CR1L: variants seen among roughly 807,000 people sequenced by gnomAD.
The protein encoded by CR1L is complement component receptor 1-like protein.
Under a neutral mutation model 62.3 loss-of-function variants are expected in CR1L, and 59 were observed. The ratio of observed to expected loss-of-function variants is 0.95; its 90% confidence interval spans 0.77 to 1.18. The LOEUF (loss-of-function observed/expected upper bound fraction) is 1.18, where lower values mean the gene tolerates loss of function less well. Among genes scored for constraint, CR1L ranks in the 50% most tolerant of loss-of-function variants. The probability of loss-of-function intolerance (pLI) is 0.00; values close to 1 mark genes in which losing one functional copy is unlikely to be tolerated. For missense variants in CR1L, 700 were observed against 702.8 expected (o/e 1.00, Z 0.04); for synonymous variants, 279 against 248.7 (o/e 1.12, Z -1.15).
At chr1:207,671,737 C>T (rs1663617954) in intron 1 of CR1L, among the ~76,000 whole-genome samples, 1 of 150,576 alleles carries the variant, frequency 6.6e-6, no homozygotes, top group Non-Finnish European at 1.5e-5. Context: ...GCCTGGCCAA[C>T]ATGGTGAATA....
At chr1:207,681,278 C>T (rs1300925050) in intron 3 of CR1L, among the ~76,000 whole-genome samples, 3 of 152,134 alleles carry the variant, frequency 2.0e-5, no homozygotes, top group East Asian at 3.9e-4. Flanking sequence ...TTTCTGGAAA[C>T]GAAATGATCA....
At chr1:207,695,378 C>T (rs1024126281) in intron 5 of CR1L, among the ~76,000 whole-genome samples, 1 of 152,192 alleles carries the variant, frequency 6.6e-6, no homozygotes, top group Non-Finnish European at 1.5e-5. Flanking sequence ...AATCCACCCA[C>T]CTGGGCCTCC....
chr1:207,679,153 ATTT>A (rs34703217), intron 3 of CR1L, among the ~76,000 whole-genome samples: 46 of 90,286 alleles, frequency 5.1e-4, no homozygotes, highest in Middle Eastern at 7.8e-3. Context: ...GCCCACCACC[ATTT>A]TTTTTTTTTT....
At chr1:207,715,445 T>C in intron 10 of CR1L, 1 of 1,262,358 alleles carries the variant, frequency 7.9e-7, no homozygotes, top group Non-Finnish European at 1.1e-6. Context: ...TTATTTTTGT[T>C]TTCCAGTGTT....
chr1:207,680,281 A>G (rs1199790679), intron 3 of CR1L, among the ~76,000 whole-genome samples: 2 of 152,244 alleles, frequency 1.3e-5, no homozygotes, highest in Admixed American at 1.3e-4. Flanking sequence ...GCTAAAACAC[A>G]AAGTCTATTT....
At chr1:207,703,050 T>C (rs777888714) in intron 9 of CR1L, among the ~76,000 whole-genome samples, 2 of 152,130 alleles carry the variant, frequency 1.3e-5, no homozygotes, top group African/African-American at 4.8e-5. Context: ...GCACTCCAGG[T>C]TGGGTGATTC....
intron 4 of CR1L, among the ~76,000 whole-genome samples, chr1:207,693,170 T>G (rs1158248301): frequency 6.6e-6 from 1 of 152,206 alleles, no homozygotes; most frequent in Non-Finnish European, 1.5e-5. Flanking sequence ...ACAACTGGAG[T>G]GCAGTGGCGC....
At chr1:207,671,952 G>T (rs1440556234) in intron 1 of CR1L, among the ~76,000 whole-genome samples, 5 of 150,504 alleles carry the variant, frequency 3.3e-5, no homozygotes, top group African/African-American at 5.0e-5. Context: ...TAAAGGTCAG[G>T]AAAAGAATGC....
At chr1:207,664,982 C>CT (rs1663491681) in intron 1 of CR1L, among the ~76,000 whole-genome samples, 1 of 152,208 alleles carries the variant, frequency 6.6e-6, no homozygotes, top group Non-Finnish European at 1.5e-5. Context: ...TTACCCCAAG[C>CT]ACATTACTTT....
chr1:207,701,412 T>A (rs1184653089), intron 8 of CR1L, 107 bp from the exon 9 acceptor site: 13 of 1,416,792 alleles, frequency 9.2e-6, no homozygotes, highest in Non-Finnish European at 1.2e-5. Context: ...TGTGGAACTA[T>A]CAGAACTGCG....
Position 207,708,228 on chromosome 1 carries a change from C to G in CR1L, c.1379C>G (p.Thr460Ser). The G allele has an allele frequency of 6.2e-7, 1 of 1,611,522 alleles. No homozygotes were observed. Among genetic ancestry groups the G allele is most frequent in the Non-Finnish European group, 8.5e-7 (1 of 1,179,460 alleles). The change falls in exon 10 of 12, where the codon ACT becomes AGT. Residue 460 changes from threonine to serine, a missense_variant. Physicochemically the swap from Thr to Ser is moderately conservative, Grantham distance 58. Transcript: ENST00000508064. Reference protein sequence around the residue: ...SSAECILSGNTAHWSMKPPIC... With the variant: ...SSAECILSGNSAHWSMKPPIC... ...GCTGAATGTATCCTCTCGGGCAATACTGCCCATTGGAGCATGAAGCCACCA... is the reference window on the plus strand; with the variant it reads ...GCTGAATGTATCCTCTCGGGCAATAGTGCCCATTGGAGCATGAAGCCACCA...
intron 3 of CR1L, among the ~76,000 whole-genome samples, chr1:207,679,268 G>T (rs918717035): frequency 6.8e-6 from 1 of 146,818 alleles, no homozygotes; most frequent in Non-Finnish European, 1.5e-5. Context: ...GCCTCCCAAA[G>T]TGCTGGGATT....
rs1310864922 is a variant in CR1L at position 207,676,059 on chromosome 1, G to A, written c.98-1330G>A. ...TGTGAAGGTGGATGGTAAAATGCAT[G>A]AGTGTATCTTACACTCATACTTTAC... On this transcript the variant is annotated intron_variant, in intron 1 of 11. Transcript: ENST00000508064. 2.0e-5 allele frequency among the ~76,000 whole-genome samples: 3 copies of A among 152,126 alleles called. No homozygotes were observed. In the South Asian group the frequency reaches 6.2e-4, roughly 32 times the overall value.
chr1:207,717,364 G>GA lies in CR1L; in HGVS notation c.1415-92dup, dbSNP rs1001971247. 1.8e-4 allele frequency: 243 copies of GA among 1,356,660 alleles called. 1 individual carries two copies. Among genetic ancestry groups the GA allele is most frequent in the African/African-American group, 8.6e-4 (58 of 67,566 alleles). The allele number at this position is 1,356,660 out of a possible 1,614,324, so 84.0% of individuals were successfully genotyped here. A position where few individuals can be genotyped will look rare whatever the true frequency, so the allele number is the denominator to read the frequency against. ...CACCTTAGTTATAGTCTTTCTAAAAGAAAAAAAATTATATTCATAGCACTG... is the reference window on the plus strand; with the variant it reads ...CACCTTAGTTATAGTCTTTCTAAAAGAAAAAAAAATTATATTCATAGCACTG... On this transcript the variant is annotated intron_variant, in intron 10 of 11. Transcript: ENST00000508064.
intron 11 of CR1L, among the ~76,000 whole-genome samples, chr1:207,720,036 T>A (rs1654094775): frequency 6.6e-6 from 1 of 152,178 alleles, no homozygotes; most frequent in Non-Finnish European, 1.5e-5. Context: ...AAACACCAGA[T>A]AATGGGCAAT....
intron 1 of CR1L, among the ~76,000 whole-genome samples, 169 bp from the exon 2 acceptor site, chr1:207,677,220 G>A (rs1663706133): frequency 6.7e-6 from 1 of 148,850 alleles, no homozygotes; most frequent in South Asian, 2.1e-4. Flanking sequence ...TACTCAGGAG[G>A]CTGAGGCAGG....
chr1:207,710,073 G>A (rs1378687508), intron 10 of CR1L, among the ~76,000 whole-genome samples: 3 of 152,014 alleles, frequency 2.0e-5, no homozygotes, highest in African/African-American at 4.8e-5. Context: ...TGCCGGGCAC[G>A]ATGGCTCACG....
intron 3 of CR1L, among the ~76,000 whole-genome samples, chr1:207,679,375 C>T (rs1241557830): frequency 7.9e-5 from 12 of 151,998 alleles, no homozygotes. Flanking sequence ...TTCATCTTAA[C>T]TTGATTGCCT....
rs61739989 is a variant in CR1L at position 207,645,273 on chromosome 1, C to T, written c.40C>T (p.Arg14Trp). Residue 14 changes from arginine (R) to tryptophan (W), a missense_variant, in exon 1 of 12, where the codon CGG (arginine) becomes TGG (tryptophan). By Grantham distance (101) the Arg-to-Trp change is moderately radical. Coordinates refer to ENST00000508064, the MANE Select transcript of CR1L (RefSeq NM_175710.2). ...CCGTCTCGAGCGTCCCTTTCCTTCC[C>T]GGCGCTTTCCTGGGTTGCTTCTGGC... is the stretch of plus-strand genomic sequence containing the variant. ...PVRLERPFPSRRFPGLLLAAL... is the reference protein window; with the variant it reads ...PVRLERPFPSWRFPGLLLAAL... 8.4e-4 allele frequency: 1,350 copies of T among 1,613,862 alleles called. 12 individuals are homozygous for T. In the African/African-American group the frequency reaches 0.016, roughly 20 times the overall value.
Sources: gnomAD v4.1 joint callset for allele counts (sites outside exome capture counted in the v4.1 genomes callset) on GRCh38, gnomAD v4.1.1 for gene constraint, MANE v1.5 for transcripts, NCBI Gene and HGNC (gene_info 2026-07-23, HGNC 2026-07-21) for gene names.